Variants in EYS observed in about 807,000 individuals in gnomAD.
The protein encoded by EYS is EGF-like photoreceptor maintenance factor, also known as protein eyes shut homolog.
A neutral mutation model predicts 282.1 loss-of-function variants in EYS; 250 were observed. The observed-to-expected ratio is 0.89, with a 90% CI of 0.80 to 0.98. The LOEUF is 0.98. Ranked by LOEUF, EYS falls within the 50% of genes least tolerant of loss-of-function variation. EYS has a pLI of 0.00. For missense variants in EYS, 4,016 were observed against 3,709.0 expected, an observed-to-expected ratio of 1.08 and a Z score of -2.15; for synonymous variants, 1,355 against 1,282.9, an observed-to-expected ratio of 1.06 and a Z score of -1.20.
intron 41 of EYS, among the ~76,000 whole-genome samples, chr6:63,734,386 A>G (rs1045268124): frequency 2.6e-5 from 4 of 152,174 alleles, no homozygotes; most frequent in African/African-American, 9.6e-5. Flanking sequence ...GAGATGGGAA[A>G]TCATTGGAAA....
intron 26 of EYS, among the ~76,000 whole-genome samples, chr6:64,531,183 A>G (rs1442658398): frequency 6.6e-6 from 1 of 152,188 alleles, no homozygotes; most frequent in Non-Finnish European, 1.5e-5. Flanking sequence ...GTAAAATTAA[A>G]AGAAAAATGT....
At chr6:65,591,712 G>T (rs1468516449) in intron 2 of EYS, among the ~76,000 whole-genome samples, 2 of 151,808 alleles carry the variant, frequency 1.3e-5, no homozygotes, top group African/African-American at 4.8e-5. Flanking sequence ...TTTTTGCCTG[G>T]TTATGTACTA....
intron 2 of EYS, among the ~76,000 whole-genome samples, chr6:65,589,229 T>A (rs975290436): frequency 4.6e-5 from 7 of 152,094 alleles, no homozygotes; most frequent in South Asian, 2.1e-4. Flanking sequence ...TATGTTGTAC[T>A]CTACTTCCAA....
chr6:64,061,964 C>CA lies in EYS; in HGVS notation c.6725+4373dup, dbSNP rs35562314. On this transcript the variant is annotated intron_variant, in intron 33 of 42. Coordinates refer to ENST00000503581, the MANE Select transcript of EYS (RefSeq NM_001142800.2). ...CGTGGGCAACAGAGCGAGACTCTTT[C>CA]AAAAAAAAAAAAAAGTTTTTAGCCA... 9.3e-3 allele frequency among the ~76,000 whole-genome samples: 1,149 copies of CA among 123,392 alleles called. 14 individuals are homozygous for CA. The highest frequency in any genetic ancestry group is 0.077 in the East Asian group (327 of 4,252). 80.9% of individuals were successfully genotyped at this position (123,392 alleles called of 152,430 possible).
chr6:64,393,578 A>G (rs1262762345), intron 28 of EYS, among the ~76,000 whole-genome samples: 1 of 152,130 alleles, frequency 6.6e-6, no homozygotes, highest in East Asian at 1.9e-4. Flanking sequence ...ACAAAATTCA[A>G]CAACCCTTCA....
intron 35 of EYS, among the ~76,000 whole-genome samples, chr6:63,897,415 G>C (rs555404984): frequency 2.6e-5 from 4 of 152,238 alleles, no homozygotes; most frequent in African/African-American, 9.6e-5. Context: ...CCTTGTAAGG[G>C]AGAGACAGAG....
chr6:64,231,406 A>G (rs1206476161), intron 30 of EYS, among the ~76,000 whole-genome samples: 1 of 152,146 alleles, frequency 6.6e-6, no homozygotes, highest in East Asian at 1.9e-4. Context: ...TTACATTCAA[A>G]ACCCCTTGAC....
intron 26 of EYS, among the ~76,000 whole-genome samples, chr6:64,525,422 A>G (rs1464133616): frequency 6.6e-6 from 1 of 151,834 alleles, no homozygotes; most frequent in African/African-American, 2.4e-5. Context: ...TAACGCAGGG[A>G]CAGAAAACCA....
intron 8 of EYS, among the ~76,000 whole-genome samples, chr6:65,367,618 AG>A (rs1412202640): frequency 1.3e-5 from 2 of 151,672 alleles, no homozygotes; most frequent in East Asian, 3.9e-4. Flanking sequence ...CACTTACAAA[AG>A]TTCCGCTGAA....
intron 28 of EYS, among the ~76,000 whole-genome samples, chr6:64,410,497 T>C (rs1295204446): frequency 1.3e-5 from 2 of 152,104 alleles, no homozygotes; most frequent in Admixed American, 1.3e-4. Context: ...TGGCTAATAA[T>C]CACTGCCATT....
At chr6:65,030,638 A>G (rs1280653734) in intron 13 of EYS, among the ~76,000 whole-genome samples, 1 of 152,166 alleles carries the variant, frequency 6.6e-6, no homozygotes, top group Non-Finnish European at 1.5e-5. Flanking sequence ...TTGCCAGTGG[A>G]CAGGGCATAC....
chr6:65,451,752 A>C (rs1764405589), intron 5 of EYS, among the ~76,000 whole-genome samples: 1 of 151,974 alleles, frequency 6.6e-6, no homozygotes, highest in African/African-American at 2.4e-5. Flanking sequence ...TATAATTAGC[A>C]CTTCTTAAAT....
intron 11 of EYS, among the ~76,000 whole-genome samples, 163 bp from the exon 12 acceptor site, chr6:65,296,282 C>T (rs1267130419): frequency 6.6e-6 from 1 of 151,924 alleles, no homozygotes; most frequent in Non-Finnish European, 1.5e-5. Flanking sequence ...CCATTCTTGG[C>T]AAAATTACTT....
At chr6:64,182,292 T>C (rs1359879888) in intron 31 of EYS, among the ~76,000 whole-genome samples, 1 of 152,156 alleles carries the variant, frequency 6.6e-6, no homozygotes, top group Non-Finnish European at 1.5e-5. Context: ...CCCAGATGGC[T>C]AGTTTTTGCC....
At chr6:65,616,561 G>A (rs906113370) in intron 2 of EYS, among the ~76,000 whole-genome samples, 1 of 152,154 alleles carries the variant, frequency 6.6e-6, no homozygotes, top group Non-Finnish European at 1.5e-5. Flanking sequence ...GCCGAGGTGG[G>A]TGGATCACGA....
At chr6:64,731,029 C>T (rs906089387) in intron 22 of EYS, 1 of 152,210 alleles carries the variant, frequency 6.6e-6, no homozygotes. Flanking sequence ...TATCAAATAA[C>T]CTCATCTTTT....
chr6:64,201,063 C>A (rs1338738194), intron 31 of EYS, among the ~76,000 whole-genome samples: 1 of 152,082 alleles, frequency 6.6e-6, no homozygotes, highest in Non-Finnish European at 1.5e-5. Flanking sequence ...AGCTTTTAAT[C>A]ATATTATATG....
intron 2 of EYS, among the ~76,000 whole-genome samples, chr6:65,499,371 T>C (rs910219186): frequency 6.6e-6 from 1 of 151,958 alleles, no homozygotes; most frequent in African/African-American, 2.4e-5. Context: ...TGAGTAGAGA[T>C]TGGAGATGAT....
Position 64,803,198 on chromosome 6 carries a change from C to T in EYS, c.3443+10180G>A, listed in dbSNP as rs549441869. 1.6e-4 allele frequency among the ~76,000 whole-genome samples: 24 copies of T among 152,216 alleles called. 1 individual carries two copies. The South Asian group carries it at 5.0e-3, about 32-fold the overall frequency. ...TCTGTAGGCAGGTTATCCCAGGAGA[C>T]CCAGAGTGGGTAGCTCCTTTCCAGC... On this transcript the variant is annotated intron_variant, in intron 22 of 42. Transcript: ENST00000503581.
Sources: gnomAD v4.1 joint callset for allele counts (sites outside exome capture counted in the v4.1 genomes callset) on GRCh38, gnomAD v4.1.1 for gene constraint, MANE v1.5 for transcripts, NCBI Gene and HGNC (gene_info 2026-07-23, HGNC 2026-07-21) for gene names.